The following ZC3H3 variants were observed in gnomAD, a reference collection of about 807,000 sequenced individuals.
ZC3H3 encodes zinc finger CCCH-type containing 3, also known as zinc finger CCCH domain-containing protein 3.
ZC3H3 carries 36 observed loss-of-function variants against 77.3 expected under a neutral mutation model. The observed-to-expected ratio is 0.47, with a 90% confidence interval of 0.36 to 0.61. ZC3H3 has a LOEUF of 0.61. Among genes scored for constraint, ZC3H3 ranks in the 20% least tolerant of loss-of-function variants. The pLI is 0.00. For synonymous variants in ZC3H3, 626 were observed against 555.2 expected (o/e 1.13, Z -1.79); for missense variants, 1,331 against 1,312.2 (o/e 1.01, Z -0.22).
chr8:143,514,929 G>T (rs948737132), intron 3 of ZC3H3, among the ~76,000 whole-genome samples: 1 of 152,220 alleles, frequency 6.6e-6, no homozygotes, highest in Non-Finnish European at 1.5e-5. Flanking sequence ...AGGCCCGGCC[G>T]CCGCATCTGC....
chr8:143,508,584 C>T (rs1296969276), intron 3 of ZC3H3, among the ~76,000 whole-genome samples: 1 of 152,214 alleles, frequency 6.6e-6, no homozygotes, highest in Non-Finnish European at 1.5e-5. Context: ...TCGAGGGTTG[C>T]GTCTAATTGC....
chr8:143,499,405 C>T (rs538833533), intron 4 of ZC3H3, among the ~76,000 whole-genome samples: 11 of 152,240 alleles, frequency 7.2e-5, no homozygotes, highest in Non-Finnish European at 1.3e-4. Flanking sequence ...TCCCCGCCCC[C>T]TCTGTGCTCT....
chr8:143,466,527 T>C (rs979834126), intron 8 of ZC3H3, among the ~76,000 whole-genome samples: 1 of 152,144 alleles, frequency 6.6e-6, no homozygotes. Flanking sequence ...GTAACTTTCC[T>C]CCCATTTGGG....
intron 4 of ZC3H3, among the ~76,000 whole-genome samples, chr8:143,500,977 CT>C (rs36081285): frequency 0.45 from 59,877 of 133,986 alleles, 13,484 homozygotes; most frequent in East Asian, 0.66. Context: ...CATGCCCGAC[CT>C]TTTTTTTTTT....
chr8:143,497,706 C>T (rs1182476845), intron 4 of ZC3H3, among the ~76,000 whole-genome samples: 1 of 152,248 alleles, frequency 6.6e-6, no homozygotes. Flanking sequence ...TGCCGGCCAG[C>T]AGCCCCACAG....
At chr8:143,483,938 G>A (rs1257631777) in intron 4 of ZC3H3, among the ~76,000 whole-genome samples, 1 of 152,230 alleles carries the variant, frequency 6.6e-6, no homozygotes, top group African/African-American at 2.4e-5. Flanking sequence ...CAGTATGGGG[G>A]CCTGCAGAGA....
In ZC3H3 at chr8:143,438,075, T is replaced by G; in HGVS notation, c.2828A>C (p.His943Pro). ...GGGTCCTCACAGACGTGGTTTGATG[T>G]GCAGAGGCTTCCCTATGCAAAGAGG... ...PLTKDSGKPLHIKPRL is the reference protein window; with the variant it reads ...PLTKDSGKPLPIKPRL Residue 943 changes from histidine to proline, a missense_variant, in exon 12 of 12, where the codon CAC (histidine) becomes CCC (proline). This residue lies in a region of ZC3H3 where 249 missense variants were observed against 236.9 expected (regional missense o/e 1.05). Transcript: ENST00000262577. The G allele has an allele frequency of 6.2e-7, 1 of 1,611,204 alleles. No individual in the cohort carries two copies. The highest frequency in any genetic ancestry group is 8.5e-7 in the Non-Finnish European group (1 of 1,178,912).
chr8:143,531,461 G>C (rs540339647), intron 3 of ZC3H3, among the ~76,000 whole-genome samples: 4 of 152,252 alleles, frequency 2.6e-5, no homozygotes, highest in Non-Finnish European at 2.9e-5. Flanking sequence ...GAGAGGCACC[G>C]AAGAGTCAGG....
chr8:143,475,913 C>T (rs1381408107), intron 4 of ZC3H3, among the ~76,000 whole-genome samples: 1 of 152,190 alleles, frequency 6.6e-6, no homozygotes, highest in Admixed American at 6.5e-5. Flanking sequence ...GAGAGGGCAG[C>T]GTCGTCCTCC....
chr8:143,540,765 G>C (rs948378307), intron 1 of ZC3H3, among the ~76,000 whole-genome samples: 9 of 152,032 alleles, frequency 5.9e-5, no homozygotes, highest in Non-Finnish European at 1.3e-4. Context: ...AGACCATCCT[G>C]GCCAACATGG....
At position 143,494,889 on chromosome 8, in the gene ZC3H3, G is replaced by A. The variant is rs141607407; in HGVS notation, c.1715+12857C>T. On this transcript the variant is annotated intron_variant, in intron 4 of 11. Coordinates refer to ENST00000262577, the MANE Select transcript of ZC3H3 (RefSeq NM_015117.3). The surrounding 1 kb of genome is among the most constrained non-coding windows in gnomAD (Gnocchi z 5.3). ...ACCACCAGTGGCCTTACGTTAGCCC[G>A]AGCAGGTACTCAACATCACTGGACA... 3.1e-3 allele frequency among the ~76,000 whole-genome samples: 469 copies of A among 152,312 alleles called. 2 individuals carry two copies. The highest frequency in any genetic ancestry group is 5.1e-3 in the Non-Finnish European group (349 of 68,030).
rs545282528 is a variant in ZC3H3, at chr8:143,475,360, C to A, written c.1903+38G>T. 1.0e-5 allele frequency: 16 copies of A among 1,590,586 alleles called. No individual in the cohort carries two copies. In the South Asian group the frequency reaches 1.5e-4, roughly 15 times the overall value. On this transcript the variant is annotated intron_variant, in intron 5 of 11. Coordinates refer to ENST00000262577, the MANE Select transcript of ZC3H3 (RefSeq NM_015117.3). ...CAATGCCCACCACACGCTAGCCGGTCGGTGTCATCTCCCAGCGCCCCCGCC... is the reference window on the plus strand; with the variant it reads ...CAATGCCCACCACACGCTAGCCGGTAGGTGTCATCTCCCAGCGCCCCCGCC...
chr8:143,446,800 A>G (rs560477697), intron 9 of ZC3H3, among the ~76,000 whole-genome samples: 1 of 152,368 alleles, frequency 6.6e-6, no homozygotes, highest in East Asian at 1.9e-4. Flanking sequence ...CCATGCACTG[A>G]GGCACTGCTT....
intron 9 of ZC3H3, among the ~76,000 whole-genome samples, chr8:143,459,250 A>C (rs1248875321): frequency 6.6e-6 from 1 of 152,220 alleles, no homozygotes. Flanking sequence ...ACACATTAAA[A>C]GGATTACACA....
chr8:143,438,929 T>C (rs1156769899), intron 11 of ZC3H3, among the ~76,000 whole-genome samples: 1 of 152,024 alleles, frequency 6.6e-6, no homozygotes, highest in Non-Finnish European at 1.5e-5. Flanking sequence ...CAGCAGCAGC[T>C]CCAGCTTCCT....
At chr8:143,449,253 CT>C (rs1819930586) in intron 9 of ZC3H3, among the ~76,000 whole-genome samples, 1 of 152,252 alleles carries the variant, frequency 6.6e-6, no homozygotes, top group Non-Finnish European at 1.5e-5. Context: ...GCTTGAATTC[CT>C]CCCCTGAAAA....
chr8:143,496,212 A>G (rs925823221), intron 4 of ZC3H3, among the ~76,000 whole-genome samples: 1 of 152,184 alleles, frequency 6.6e-6, no homozygotes, highest in Admixed American at 6.5e-5. Context: ...GAGTGGGAGC[A>G]GACACTCAAC....
intron 5 of ZC3H3, among the ~76,000 whole-genome samples, chr8:143,470,707 G>T (rs1820539745): frequency 6.6e-6 from 1 of 152,206 alleles, no homozygotes; most frequent in East Asian, 1.9e-4. Context: ...TTTCCACTTT[G>T]TGCTCTTTAA....
chr8:143,459,897 G>A (rs1043972076), intron 9 of ZC3H3, among the ~76,000 whole-genome samples: 1 of 152,114 alleles, frequency 6.6e-6, no homozygotes, highest in African/African-American at 2.4e-5. Flanking sequence ...CTTCTAAGAT[G>A]AGGAAAAAGA....
Sources: gnomAD v4.1 joint callset for allele counts (sites outside exome capture counted in the v4.1 genomes callset) on GRCh38, gnomAD v4.1.1 for gene constraint, gnomAD v4.1.1 regional missense constraint, Gnocchi (gnomAD v3.1) non-coding constraint, MANE v1.5 for transcripts, NCBI Gene and HGNC (gene_info 2026-07-23, HGNC 2026-07-21) for gene names.